Variants in WDR72 observed in about 807,000 individuals in gnomAD.
The protein encoded by WDR72 is WD repeat-containing protein 72.
WDR72 carries 120 observed loss-of-function variants against 124.2 expected under a neutral mutation model. The ratio of observed to expected loss-of-function variants is 0.97; its 90% CI spans 0.83 to 1.12. The LOEUF is 1.12. Ranked by LOEUF, WDR72 falls within the 50% of genes most tolerant of loss-of-function variation. The probability of loss-of-function intolerance (pLI) is 0.00; values close to 1 mark genes in which losing one functional copy is unlikely to be tolerated. For synonymous variants in WDR72, 452 were observed against 441.7 expected (o/e 1.02, Z -0.29); for missense variants, 1,387 against 1,278.8 (o/e 1.08, Z -1.29).
chr15:53,528,982 C>T (rs1892275742), intron 18 of WDR72, among the ~76,000 whole-genome samples: 1 of 151,742 alleles, frequency 6.6e-6, no homozygotes, highest in African/African-American at 2.4e-5. Flanking sequence ...ATTTCACTTG[C>T]AGTTTTAAGG....
At chr15:53,540,442 T>C (rs1893026058) in intron 18 of WDR72, among the ~76,000 whole-genome samples, 1 of 152,008 alleles carries the variant, frequency 6.6e-6, no homozygotes, top group African/African-American at 2.4e-5. Flanking sequence ...AATTAGATCG[T>C]TCCACCTGGA....
At chr15:53,537,060 C>A (rs1892802296) in intron 18 of WDR72, among the ~76,000 whole-genome samples, 1 of 152,168 alleles carries the variant, frequency 6.6e-6, no homozygotes, top group Non-Finnish European at 1.5e-5. Flanking sequence ...GCGGGTTACA[C>A]AGCTCCTTAA....
intron 18 of WDR72, among the ~76,000 whole-genome samples, chr15:53,594,789 C>A (rs933201901): frequency 6.6e-6 from 1 of 151,318 alleles, no homozygotes; most frequent in South Asian, 2.1e-4. Flanking sequence ...CTGCACCCCC[C>A]ACCCCCCCAA....
intron 14 of WDR72, among the ~76,000 whole-genome samples, chr15:53,623,494 T>TAC (rs1300842803): frequency 2.0e-5 from 3 of 150,336 alleles, no homozygotes; most frequent in African/African-American, 7.5e-5. Context: ...TATATATATA[T>TAC]ACACACATAC....
rs764972742 is a variant in WDR72 at position 53,715,273 on chromosome 15, G to C, written c.434C>G (p.Ala145Gly). Residue 145 changes from alanine to glycine, a missense_variant, in exon 5 of 20, where the codon GCT becomes GGT. By Grantham distance (60) the Ala-to-Gly change is moderately conservative. Transcript: ENST00000360509. ...AGATGATCTAAAACTGTGAACAACA[G>C]CCAAAGTTTTGGCATCAATTATAAG... is the stretch of plus-strand genomic sequence containing the variant. ...DVLIIDAKTLAVVHSFRSSQF... is the reference protein window; with the variant it reads ...DVLIIDAKTLGVVHSFRSSQF... 25 of 1,614,002 alleles carry C rather than the reference G, an allele frequency of 1.5e-5. 1 individual carries two copies. The Admixed American group carries it at 1.7e-4, about 11-fold the overall frequency.
At chr15:53,533,979 C>T (rs1892618313) in intron 18 of WDR72, among the ~76,000 whole-genome samples, 1 of 152,094 alleles carries the variant, frequency 6.6e-6, no homozygotes, top group African/African-American at 2.4e-5. Flanking sequence ...GACTACCCCA[C>T]TGGGGTAGGG....
chr15:53,735,668 T>G (rs922242760), intron 1 of WDR72, among the ~76,000 whole-genome samples: 2 of 152,168 alleles, frequency 1.3e-5, no homozygotes, highest in East Asian at 1.9e-4. Flanking sequence ...ACGAGATTTC[T>G]GTAAAACAAT....
At chr15:53,620,612 T>G (rs948464981) in intron 14 of WDR72, among the ~76,000 whole-genome samples, 7 of 152,066 alleles carry the variant, frequency 4.6e-5, no homozygotes, top group Non-Finnish European at 7.4e-5. Flanking sequence ...TGAATGAAAC[T>G]GGATCCTCAT....
At chr15:53,647,140 T>A (rs1314781554) in intron 14 of WDR72, among the ~76,000 whole-genome samples, 1 of 152,000 alleles carries the variant, frequency 6.6e-6, no homozygotes, top group Non-Finnish European at 1.5e-5. Flanking sequence ...TATAACTCCA[T>A]GTGAAAAATG....
At chr15:53,550,493 T>G (rs1893685926) in intron 18 of WDR72, among the ~76,000 whole-genome samples, 1 of 152,208 alleles carries the variant, frequency 6.6e-6, no homozygotes, top group Non-Finnish European at 1.5e-5. Context: ...TATCAGAATC[T>G]CTGAGCATAA....
At chr15:53,715,522 C>A (rs1246314790) in intron 4 of WDR72, among the ~76,000 whole-genome samples, 155 bp from the exon 5 acceptor site, 1 of 152,134 alleles carries the variant, frequency 6.6e-6, no homozygotes, top group African/African-American at 2.4e-5. Flanking sequence ...TCAGTTATTC[C>A]AAACTCCTAT....
chr15:53,633,868 C>T (rs1380866519), intron 14 of WDR72, among the ~76,000 whole-genome samples: 1 of 152,118 alleles, frequency 6.6e-6, no homozygotes, highest in Non-Finnish European at 1.5e-5. Flanking sequence ...CTTGTGTGTA[C>T]ACAAACACAA....
chr15:53,703,452 C>A, intron 11 of WDR72, among the ~76,000 whole-genome samples: 1 of 150,224 alleles, frequency 6.7e-6, no homozygotes, highest in African/African-American at 2.4e-5. Context: ...CTGGGTCTAT[C>A]ACTTACTAGA....
At chr15:53,628,513 C>T (rs74015837) in intron 14 of WDR72, among the ~76,000 whole-genome samples, 2,022 of 152,024 alleles carry the variant, frequency 0.013, 47 homozygotes, top group African/African-American at 0.047. Context: ...TTTCTTGATG[C>T]GGAAAATTTT....
chr15:53,521,839 CAAAACT>C (rs1891815942), intron 19 of WDR72, among the ~76,000 whole-genome samples: 1 of 151,852 alleles, frequency 6.6e-6, no homozygotes, highest in Admixed American at 6.6e-5. Context: ...CAACATTAGT[CAAAACT>C]AAAAGTAATG....
chr15:53,577,344 C>A (rs554975771), intron 18 of WDR72, among the ~76,000 whole-genome samples: 1 of 152,216 alleles, frequency 6.6e-6, no homozygotes, highest in Admixed American at 6.5e-5. Context: ...CTGCACTATT[C>A]TAGGTTCTAT....
At chr15:53,666,024 T>C (rs2015768258) in intron 13 of WDR72, among the ~76,000 whole-genome samples, 2 of 152,188 alleles carry the variant, frequency 1.3e-5, no homozygotes. Flanking sequence ...GGAGATTCGA[T>C]AGTCTTTAAT....
At chr15:53,671,060 G>A (rs770769388) in intron 13 of WDR72, among the ~76,000 whole-genome samples, 4 of 152,124 alleles carry the variant, frequency 2.6e-5, no homozygotes, top group Non-Finnish European at 5.9e-5. Context: ...CCAGAATGGG[G>A]TCTGGCATAA....
intron 14 of WDR72, among the ~76,000 whole-genome samples, chr15:53,639,254 G>C (rs1032989623): frequency 3.3e-5 from 5 of 151,914 alleles, no homozygotes; most frequent in African/African-American, 1.2e-4. Flanking sequence ...TGGGTGATGT[G>C]CTATATGTGG....
Sources: gnomAD v4.1 joint callset for allele counts (sites outside exome capture counted in the v4.1 genomes callset) on GRCh38, gnomAD v4.1.1 for gene constraint, MANE v1.5 for transcripts, NCBI Gene and HGNC (gene_info 2026-07-23, HGNC 2026-07-21) for gene names.